The following CUL4A variants were observed in gnomAD, a reference collection of about 807,000 sequenced individuals.
CUL4A encodes the protein cullin 4A.
A neutral mutation model predicts 95.5 loss-of-function variants in CUL4A; 16 were observed. That is an observed-to-expected ratio of 0.17 (90% confidence interval 0.11 to 0.25). The LOEUF (loss-of-function observed/expected upper bound fraction) is 0.25. Among genes scored for constraint, CUL4A ranks in the 10% least tolerant of loss-of-function variants. The probability of loss-of-function intolerance (pLI) is 1.00; values close to 1 mark genes in which losing one functional copy is unlikely to be tolerated. For missense variants in CUL4A, 610 were observed against 937.0 expected (o/e 0.65, Z 4.56); for synonymous variants, 380 against 353.1 (o/e 1.08, Z -0.85).
chr13:113,242,967 G>T lies in CUL4A; in HGVS notation c.1036-1G>T. 1 of 1,598,384 alleles carries T rather than the reference G, an allele frequency of 6.3e-7. No individual in the cohort carries two copies. The highest frequency in any genetic ancestry group is 1.1e-5 in the South Asian group (1 of 90,274). On this transcript the variant is annotated splice_acceptor_variant, in intron 10 of 19. Coordinates refer to ENST00000375440, the MANE Select transcript of CUL4A (RefSeq NM_001008895.4). LOFTEE classifies it high-confidence loss of function. ...GAGTTGGTATTGATTTGCTTTTGTA[G>T]ACTTTTGGAACAGCGATCGTAATCA... is the stretch of plus-strand genomic sequence containing the variant.
intron 15 of CUL4A, among the ~76,000 whole-genome samples, chr13:113,246,585 A>G (rs2041864026): frequency 6.6e-6 from 1 of 152,188 alleles, no homozygotes; most frequent in South Asian, 2.1e-4. Flanking sequence ...CAATCATGGA[A>G]GACTTCCTGG....
upstream of CUL4A, chr13:113,208,734 C>G (rs1245481955): frequency 8.1e-6 from 12 of 1,490,062 alleles, no homozygotes; most frequent in African/African-American, 1.4e-5. Flanking sequence ...GCGCCCCCGG[C>G]CCCGCCGCGG....
rs2040269158 is a variant in CUL4A at position 113,209,617 on chromosome 13, C to CGGGG, written c.-11_-10insGGGG. On this transcript the variant is annotated 5_prime_UTR_variant, in exon 1 of 20. Coordinates refer to ENST00000375440, the MANE Select transcript of CUL4A (RefSeq NM_001008895.4). ...GCGCTCGGGGCGGGGCGCGGCGGTT[C>CGGGG]CGGCCCAGCCATGGCGGACGAGGCC... 9.5e-7 allele frequency: 1 copy of CGGGG among 1,047,636 alleles called. No homozygotes were observed. Among genetic ancestry groups the CGGGG allele is most frequent in the Non-Finnish European group, 1.1e-6 (1 of 872,586 alleles). The allele number at this position is 1,047,636 out of a possible 1,614,324, so 64.9% of individuals were successfully genotyped here.
upstream of CUL4A, chr13:113,208,743 G>T (rs184355597): frequency 4.9e-5 from 73 of 1,482,832 alleles, no homozygotes; most frequent in African/African-American, 8.3e-4. Context: ...GCCCCGCCGC[G>T]GGTGCGCAGG....
At chr13:113,214,592 G>C (rs2139084657) in intron 2 of CUL4A, among the ~76,000 whole-genome samples, 1 of 152,240 alleles carries the variant, frequency 6.6e-6, no homozygotes, top group South Asian at 2.1e-4. Context: ...GACTCAAACA[G>C]TCCTCCTGCC....
chr13:113,243,865 TG>T (rs34385586), intron 11 of CUL4A, among the ~76,000 whole-genome samples: 1 of 152,202 alleles, frequency 6.6e-6, no homozygotes, highest in Non-Finnish European at 1.5e-5. Context: ...GTTGAGCTCT[TG>T]GGAGTTTGGG....
intron 9 of CUL4A, among the ~76,000 whole-genome samples, chr13:113,238,466 T>C (rs1037230669): frequency 1.3e-5 from 2 of 151,516 alleles, no homozygotes; most frequent in African/African-American, 2.4e-5. Context: ...TTCAAGTAAA[T>C]AGTAGAAATT....
chr13:113,220,912 A>G (rs569588561), intron 3 of CUL4A, among the ~76,000 whole-genome samples: 4 of 152,326 alleles, frequency 2.6e-5, no homozygotes, highest in South Asian at 2.1e-4. Context: ...TGTGATTACA[A>G]AAATTATCAT....
Position 113,230,031 on chromosome 13 carries a change from AT to A in CUL4A, c.512+513del, listed in dbSNP as rs1403605640. The A allele has an allele frequency of 4.4e-4, 98 of 224,268 alleles. No individual in the cohort carries two copies. In the East Asian group the frequency reaches 8.8e-3, roughly 20 times the overall value. The allele number at this position is 224,268 out of a possible 1,614,324, so 13.9% of individuals were successfully genotyped here. The stretch of plus-strand genomic sequence containing the variant: ...CAGCGTTCGCGGCCACGGACCCCAC[AT>A]GTCCTCTGCTGACCCCTGTGTGTCC... On this transcript the variant is annotated intron_variant, in intron 5 of 19. Coordinates refer to ENST00000375440, the MANE Select transcript of CUL4A (RefSeq NM_001008895.4).
At chr13:113,209,009 G>C, upstream of CUL4A, 1 of 823,506 alleles carries the variant, frequency 1.2e-6, no homozygotes, top group Non-Finnish European at 1.5e-6. Flanking sequence ...GCGCCTGGCT[G>C]GGCCAGGGCC....
At chr13:113,218,882 G>A in intron 2 of CUL4A, 63 bp from the exon 3 acceptor site, 1 of 1,144,588 alleles carries the variant, frequency 8.7e-7, no homozygotes, top group South Asian at 1.4e-5. Context: ...TTAACAATAG[G>A]GTTTTTTTAT....
At chr13:113,210,228 G>A in intron 2 of CUL4A, 140 bp downstream of exon 2, 4 of 529,718 alleles carry the variant, frequency 7.6e-6, no homozygotes, top group Non-Finnish European at 3.2e-6. Context: ...AGGGCCGGGA[G>A]CCCCAGAGGC....
chr13:113,246,111 C>A, intron 15 of CUL4A, 48 bp downstream of exon 15: 3 of 1,390,094 alleles, frequency 2.2e-6, no homozygotes, highest in Non-Finnish European at 3.0e-6. Context: ...CATGCCCTTA[C>A]CAGGCACAGA....
intron 2 of CUL4A, among the ~76,000 whole-genome samples, chr13:113,213,588 A>C (rs2040533173): frequency 6.6e-6 from 1 of 152,168 alleles, no homozygotes; most frequent in Non-Finnish European, 1.5e-5. Context: ...TGGCTGTCTG[A>C]TATCTGCTGC....
At chr13:113,222,626 C>T (rs992317179) in intron 3 of CUL4A, among the ~76,000 whole-genome samples, 2 of 152,142 alleles carry the variant, frequency 1.3e-5, no homozygotes, top group African/African-American at 4.8e-5. Context: ...GGATGAGATG[C>T]CCAGGAAAAA....
chr13:113,226,094 C>T (rs115993795), intron 3 of CUL4A, among the ~76,000 whole-genome samples: 1,918 of 152,342 alleles, frequency 0.013, 38 homozygotes, highest in African/African-American at 0.042. Flanking sequence ...TATTCCTCCT[C>T]AGGCTCTGCC....
intron 3 of CUL4A, among the ~76,000 whole-genome samples, chr13:113,223,599 A>G (rs1351735480): frequency 6.6e-6 from 1 of 152,130 alleles, no homozygotes; most frequent in Non-Finnish European, 1.5e-5. Context: ...GTTTCTCCAC[A>G]TTGGTCAGGC....
intron 3 of CUL4A, among the ~76,000 whole-genome samples, chr13:113,227,324 G>A (rs983652641): frequency 2.0e-5 from 3 of 152,154 alleles, no homozygotes; most frequent in African/African-American, 7.2e-5. Context: ...GTGGGGCCCC[G>A]CTTCCTGGTC....
Position 113,236,759 on chromosome 13 carries a change from T to G in CUL4A, c.849-64T>G, listed in dbSNP as rs368831944. On this transcript the variant is annotated intron_variant, in intron 8 of 19. Coordinates refer to ENST00000375440, the MANE Select transcript of CUL4A (RefSeq NM_001008895.4). ...TGTCATAGACAAATGCCCCCATCTT[T>G]TGCAGAGAACCAGTCTCTTCTTTAA... The G allele has an allele frequency of 9.9e-6, 11 of 1,108,314 alleles. No individual in the cohort carries two copies. In the African/African-American group the frequency reaches 1.7e-4, roughly 17 times the overall value. 68.7% of individuals were successfully genotyped at this position (1,108,314 alleles called of 1,614,324 possible). A position where few individuals can be genotyped will look rare whatever the true frequency, so the allele number is the denominator to read the frequency against.
Sources: gnomAD v4.1 joint callset for allele counts (sites outside exome capture counted in the v4.1 genomes callset) on GRCh38, gnomAD v4.1.1 for gene constraint, MANE v1.5 for transcripts, NCBI Gene and HGNC (gene_info 2026-07-23, HGNC 2026-07-21) for gene names.